Variants in MSI2 observed in about 807,000 individuals in gnomAD.
MSI2 encodes the protein RNA-binding protein Musashi homolog 2.
In MSI2, 17 loss-of-function variants were observed where a neutral mutation model predicts 45.6. The ratio of observed to expected loss-of-function variants is 0.37; its 90% CI spans 0.26 to 0.56. MSI2 has a LOEUF of 0.56. Ranked by LOEUF, MSI2 falls within the 20% of genes least tolerant of loss-of-function variation. The pLI, the probability that MSI2 is intolerant of heterozygous loss-of-function variation, is 0.77. For missense variants in MSI2, 293 were observed against 444.2 expected, an observed-to-expected ratio of 0.66 and a Z score of 3.06; for synonymous variants, 156 against 158.2, an observed-to-expected ratio of 0.99 and a Z score of 0.11.
At chr17:57,256,403 G>A (rs1025431306), upstream of MSI2, 1 of 168,288 alleles carries the variant, frequency 5.9e-6, no homozygotes, top group African/African-American at 2.4e-5. Flanking sequence ...TTGGTTACAC[G>A]ACGTTCTAGA....
chr17:57,559,763 G>T (rs2087527889), intron 7 of MSI2, among the ~76,000 whole-genome samples: 1 of 152,274 alleles, frequency 6.6e-6, no homozygotes, highest in Non-Finnish European at 1.5e-5. Flanking sequence ...TCTGCTCAGA[G>T]ACAGCCAGTG....
chr17:57,645,770 G>T (rs1401503092), intron 10 of MSI2, among the ~76,000 whole-genome samples: 1 of 152,160 alleles, frequency 6.6e-6, no homozygotes, highest in Non-Finnish European at 1.5e-5. Flanking sequence ...CTGCTCTGCA[G>T]ACCAAGTAAT....
chr17:57,652,069 A>G lies in MSI2; in HGVS notation c.728-30A>G, dbSNP rs759436125. ...GCCTGGCCCTTTCAAGGATTCCTCC[A>G]TGACTCAGGCTCCTCTCTCTCCTGA... On this transcript the variant is annotated intron_variant, in intron 10 of 13. Coordinates refer to ENST00000284073, the MANE Select transcript of MSI2 (RefSeq NM_138962.4). The surrounding 1 kb of genome is among the most constrained non-coding windows in gnomAD (Gnocchi z 4.1). The G allele has an allele frequency of 6.2e-7, 1 of 1,611,046 alleles. No homozygotes were observed. Among genetic ancestry groups the G allele is most frequent in the Non-Finnish European group, 8.5e-7 (1 of 1,177,318 alleles).
intron 6 of MSI2, among the ~76,000 whole-genome samples, chr17:57,404,330 A>G (rs2143125421): frequency 6.6e-6 from 1 of 152,254 alleles, no homozygotes; most frequent in South Asian, 2.1e-4. Flanking sequence ...CCCAAGATGG[A>G]CTGACGATGG....
At chr17:57,314,944 G>A (rs1912731304) in intron 5 of MSI2, among the ~76,000 whole-genome samples, 1 of 152,214 alleles carries the variant, frequency 6.6e-6, no homozygotes, top group Admixed American at 6.5e-5. Context: ...GTCCAGAGCT[G>A]TGGTTCTCAG....
At chr17:57,521,159 G>GT (rs775433388) in intron 6 of MSI2, among the ~76,000 whole-genome samples, 1 of 152,196 alleles carries the variant, frequency 6.6e-6, no homozygotes, top group Non-Finnish European at 1.5e-5. Flanking sequence ...TCTTCCAGGG[G>GT]TAAACACACA....
At chr17:57,604,837 GGCCCT>G (rs1327695733) in intron 8 of MSI2, among the ~76,000 whole-genome samples, 1 of 151,500 alleles carries the variant, frequency 6.6e-6, no homozygotes, top group Non-Finnish European at 1.5e-5. Context: ...TCGGCTTCTG[GGCCCT>G]GCCACCTGGC....
rs147331509 is a variant in MSI2, at chr17:57,285,070, T to C, written c.312+22878T>C. The stretch of plus-strand genomic sequence containing the variant: ...TGTGCATAGATTGGCGTCGGTTTCT[T>C]AGAAGTTTCTTCTTTTCACCTTAAA... On this transcript the variant is annotated intron_variant, in intron 5 of 13. Coordinates refer to ENST00000284073, the MANE Select transcript of MSI2 (RefSeq NM_138962.4). Among the ~76,000 whole-genome samples, 44 of 152,224 alleles carry C rather than the reference T, an allele frequency of 2.9e-4. 1 individual carries two copies. In the East Asian group the frequency reaches 8.1e-3, roughly 28 times the overall value.
chr17:57,572,781 C>T (rs996122247), intron 7 of MSI2, among the ~76,000 whole-genome samples: 4 of 152,212 alleles, frequency 2.6e-5, no homozygotes, highest in Admixed American at 1.3e-4. Context: ...GTCAGCACGG[C>T]GCCACATTTG....
chr17:57,389,122 G>A (rs1299765364), intron 5 of MSI2, among the ~76,000 whole-genome samples: 1 of 148,882 alleles, frequency 6.7e-6, no homozygotes, highest in Non-Finnish European at 1.5e-5. Flanking sequence ...GGGACCACGG[G>A]CATGTGCCAC....
chr17:57,362,789 C>G (rs781570729), intron 5 of MSI2, among the ~76,000 whole-genome samples: 22 of 151,914 alleles, frequency 1.4e-4, no homozygotes, highest in Non-Finnish European at 2.4e-4. Flanking sequence ...TATAATGCTA[C>G]TCATAGAATA....
intron 5 of MSI2, among the ~76,000 whole-genome samples, chr17:57,312,400 C>T (rs981138231): frequency 6.6e-6 from 1 of 152,084 alleles, no homozygotes; most frequent in Non-Finnish European, 1.5e-5. Flanking sequence ...TGAGAGGCTC[C>T]GGGTGGGTGC....
intron 6 of MSI2, among the ~76,000 whole-genome samples, chr17:57,506,660 G>C (rs1401356763): frequency 3.3e-5 from 5 of 152,172 alleles, no homozygotes; most frequent in Admixed American, 3.3e-4. Context: ...AGTGGAGGGG[G>C]CTCTGCCTCG....
chr17:57,678,417 G>T (rs1913387531), intron 13 of MSI2, among the ~76,000 whole-genome samples: 1 of 152,242 alleles, frequency 6.6e-6, no homozygotes, highest in South Asian at 2.1e-4. Context: ...GGGACCCAGA[G>T]GAAGTAAGGT....
chr17:57,670,204 AG>A, intron 11 of MSI2, among the ~76,000 whole-genome samples: 1 of 152,372 alleles, frequency 6.6e-6, no homozygotes, highest in East Asian at 1.9e-4. Flanking sequence ...GACATCACTT[AG>A]GGACAACACA....
At chr17:57,388,856 G>A (rs2083731544) in intron 5 of MSI2, among the ~76,000 whole-genome samples, 1 of 151,850 alleles carries the variant, frequency 6.6e-6, no homozygotes. Context: ...GTTTTGCCAT[G>A]TTGGCCAGTC....
At chr17:57,573,664 G>C (rs1332135175) in intron 7 of MSI2, among the ~76,000 whole-genome samples, 1 of 152,190 alleles carries the variant, frequency 6.6e-6, no homozygotes, top group Non-Finnish European at 1.5e-5. Flanking sequence ...TCTATTATAT[G>C]GCAGCTTATC....
chr17:57,389,476 C>T (rs2083748135), intron 5 of MSI2, among the ~76,000 whole-genome samples: 1 of 152,176 alleles, frequency 6.6e-6, no homozygotes, highest in African/African-American at 2.4e-5. Context: ...TGGCTCTCCC[C>T]TGCTAACCTT....
At chr17:57,357,673 A>G (rs1234871951) in intron 5 of MSI2, among the ~76,000 whole-genome samples, 1 of 152,146 alleles carries the variant, frequency 6.6e-6, no homozygotes, top group Non-Finnish European at 1.5e-5. Flanking sequence ...CATAAAGGTG[A>G]AATCATGACC....
Sources: gnomAD v4.1 joint callset for allele counts (sites outside exome capture counted in the v4.1 genomes callset) on GRCh38, gnomAD v4.1.1 for gene constraint, Gnocchi (gnomAD v3.1) non-coding constraint, MANE v1.5 for transcripts, NCBI Gene and HGNC (gene_info 2026-07-23, HGNC 2026-07-21) for gene names.